RAB27A: variants seen among roughly 807,000 people sequenced by gnomAD.
RAB27A encodes ras-related protein Rab-27A.
A neutral mutation model predicts 20.8 loss-of-function variants in RAB27A; 17 were observed. The observed-to-expected ratio is 0.82, with a 90% confidence interval of 0.56 to 1.23. The LOEUF (loss-of-function observed/expected upper bound fraction) is 1.23, where lower values mean the gene tolerates loss of function less well. Among genes scored for constraint, RAB27A ranks in the 50% most tolerant of loss-of-function variants. The pLI, the probability that RAB27A is intolerant of heterozygous loss-of-function variation, is 0.00. For synonymous variants in RAB27A, 85 were observed against 92.8 expected, an observed-to-expected ratio of 0.92 and a Z score of 0.48; for missense variants, 277 against 266.7, an observed-to-expected ratio of 1.04 and a Z score of -0.27.
intron 2 of RAB27A, among the ~76,000 whole-genome samples, chr15:55,309,336 C>A (rs2055010539): frequency 6.6e-6 from 1 of 152,190 alleles, no homozygotes; most frequent in South Asian, 2.1e-4. Context: ...AAGTATTAAA[C>A]CTGCTGAGAG....
intron 2 of RAB27A, among the ~76,000 whole-genome samples, chr15:55,263,338 G>A (rs1276296860): frequency 1.3e-5 from 2 of 151,846 alleles, no homozygotes; most frequent in Admixed American, 6.6e-5. Context: ...GTCTTCAAAT[G>A]TGCCATATTA....
At chr15:55,264,381 A>G (rs1897386010) in intron 2 of RAB27A, among the ~76,000 whole-genome samples, 1 of 152,082 alleles carries the variant, frequency 6.6e-6, no homozygotes, top group South Asian at 2.1e-4. Context: ...ATTTCTACAA[A>G]CCTTTAATCA....
chr15:55,207,245 T>A (rs922679024), intron 6 of RAB27A, among the ~76,000 whole-genome samples: 1 of 152,148 alleles, frequency 6.6e-6, no homozygotes, highest in Non-Finnish European at 1.5e-5. Context: ...TAATATCTGA[T>A]AAAATTGAAA....
intron 6 of RAB27A, among the ~76,000 whole-genome samples, chr15:55,214,244 G>A (rs550297415): frequency 6.6e-5 from 10 of 152,286 alleles, no homozygotes; most frequent in South Asian, 2.1e-4. Flanking sequence ...AGACCATCCT[G>A]GCTAACATGG....
chr15:55,257,916 C>G (rs558641377), intron 2 of RAB27A, among the ~76,000 whole-genome samples: 1 of 152,172 alleles, frequency 6.6e-6, no homozygotes, highest in South Asian at 2.1e-4. Context: ...TTGCTTGAAC[C>G]TGGGAGGCAA....
intron 3 of RAB27A, among the ~76,000 whole-genome samples, chr15:55,232,024 A>G (rs986190228): frequency 6.6e-6 from 1 of 152,234 alleles, no homozygotes; most frequent in African/African-American, 2.4e-5. Context: ...ATGCCCAGGA[A>G]AGATCTAAAA....
intron 2 of RAB27A, among the ~76,000 whole-genome samples, chr15:55,242,703 A>G (rs1030660509): frequency 6.6e-5 from 10 of 152,216 alleles, no homozygotes; most frequent in Non-Finnish European, 1.3e-4. Flanking sequence ...TATCCATCAC[A>G]AAATCTACCT....
At chr15:55,294,218 T>C (rs2054937741), upstream of RAB27A, among the ~76,000 whole-genome samples, 1 of 152,120 alleles carries the variant, frequency 6.6e-6, no homozygotes, top group Non-Finnish European at 1.5e-5. Flanking sequence ...TATGCATCTA[T>C]AGTCAAGATC....
intron 2 of RAB27A, among the ~76,000 whole-genome samples, chr15:55,304,063 C>A (rs555701549): frequency 2.9e-4 from 44 of 152,192 alleles, no homozygotes; most frequent in African/African-American, 1.0e-3. Context: ...GGATGGTTGC[C>A]GTGTCTGTGT....
intron 6 of RAB27A, among the ~76,000 whole-genome samples, chr15:55,214,221 A>G (rs7181009): frequency 0.28 from 42,300 of 152,002 alleles, 10,379 homozygotes; most frequent in African/African-American, 0.67. Flanking sequence ...CGGATCACGA[A>G]GTCGGGAGAT....
At chr15:55,206,130 G>C (rs537039754) in intron 6 of RAB27A, 1 of 160,470 alleles carries the variant, frequency 6.2e-6, no homozygotes, top group African/African-American at 2.4e-5. Context: ...AGAATCACTT[G>C]AACCTGGGAG....
Position 55,287,584 on chromosome 15 carries a change from C to T in RAB27A, c.-143+2132G>A, listed in dbSNP as rs77265682. ...CCAACATGGAGAAACCCTGTCTCTA[C>T]TAAAAATATAAAATTAGCCAGGCAT... On this transcript the variant is annotated intron_variant, in intron 1 of 6. Coordinates refer to ENST00000336787, the MANE Select transcript of RAB27A (RefSeq NM_183235.3). 1.5e-3 allele frequency among the ~76,000 whole-genome samples: 226 copies of T among 151,820 alleles called. 5 individuals carry two copies. The East Asian group carries it at 0.034, about 23-fold the overall frequency.
chr15:55,307,086 G>A (rs1348977022), intron 2 of RAB27A, among the ~76,000 whole-genome samples: 1 of 151,970 alleles, frequency 6.6e-6, no homozygotes, highest in Admixed American at 6.6e-5. Context: ...AAAATGACTG[G>A]GTAGGGTCCT....
chr15:55,258,569 G>A (rs1897164969), intron 2 of RAB27A, among the ~76,000 whole-genome samples: 1 of 152,102 alleles, frequency 6.6e-6, no homozygotes, highest in Non-Finnish European at 1.5e-5. Context: ...GAAATTCCTG[G>A]GCTATACCTA....
intron 1 of RAB27A, among the ~76,000 whole-genome samples, chr15:55,274,371 GAAGA>G (rs753599196): frequency 4.6e-5 from 7 of 151,774 alleles, no homozygotes; most frequent in Non-Finnish European, 7.4e-5. Context: ...CCCAAAATTA[GAAGA>G]AAGAATGAAA....
chr15:55,293,077 C>T (rs1375909560), upstream of RAB27A, among the ~76,000 whole-genome samples: 1 of 152,124 alleles, frequency 6.6e-6, no homozygotes, highest in African/African-American at 2.4e-5. Context: ...TCACAGTATA[C>T]CTCTTGCTTC....
intron 5 of RAB27A, among the ~76,000 whole-genome samples, chr15:55,226,592 G>A (rs1021449365): frequency 2.6e-5 from 4 of 151,990 alleles, no homozygotes; most frequent in Admixed American, 6.6e-5. Context: ...GAAATGGGCC[G>A]GGCACTGTGG....
At chr15:55,212,925 T>G (rs538010674) in intron 6 of RAB27A, among the ~76,000 whole-genome samples, 41 of 152,346 alleles carry the variant, frequency 2.7e-4, no homozygotes, top group Admixed American at 1.0e-3. Flanking sequence ...CAAAACTGTA[T>G]AGCTGTTTTT....
At chr15:55,244,265 A>C (rs1441609549) in intron 2 of RAB27A, among the ~76,000 whole-genome samples, 1 of 152,216 alleles carries the variant, frequency 6.6e-6, no homozygotes, top group Non-Finnish European at 1.5e-5. Flanking sequence ...CAGTGAGCAG[A>C]GATAGCACCA....
Sources: gnomAD v4.1 joint callset for allele counts (sites outside exome capture counted in the v4.1 genomes callset) on GRCh38, gnomAD v4.1.1 for gene constraint, MANE v1.5 for transcripts, NCBI Gene and HGNC (gene_info 2026-07-23, HGNC 2026-07-21) for gene names.